Variants in RUBCN observed in about 807,000 individuals in gnomAD.
RUBCN encodes rubicon autophagy regulator.
A neutral mutation model predicts 113.2 loss-of-function variants in RUBCN; 74 were observed. That is an observed-to-expected ratio of 0.65 (90% confidence interval 0.54 to 0.79). The LOEUF is 0.79. RUBCN is among the 30% of genes least tolerant of loss of function. The pLI, the probability that RUBCN is intolerant of heterozygous loss-of-function variation, is 0.00. For synonymous variants in RUBCN, 480 were observed against 490.0 expected, an observed-to-expected ratio of 0.98 and a Z score of 0.27; for missense variants, 1,109 against 1,251.7, an observed-to-expected ratio of 0.89 and a Z score of 1.72.
In RUBCN at chr3:197,674,440, A is replaced by G; in HGVS notation, c.*578T>C. The G allele has an allele frequency of 2.6e-6, 1 of 382,314 alleles. No homozygotes were observed. Among genetic ancestry groups the G allele is most frequent in the East Asian group, 8.5e-5 (1 of 11,754 alleles). The allele number at this position is 382,314 out of a possible 1,614,324, so 23.7% of individuals were successfully genotyped here. A position where few individuals can be genotyped will look rare whatever the true frequency, so the allele number is the denominator to read the frequency against. On this transcript the variant is annotated 3_prime_UTR_variant, in exon 20 of 20. Coordinates refer to ENST00000296343, the MANE Select transcript of RUBCN (RefSeq NM_014687.4). ...CTCTGAGGTCTCTGAGGAGTCTAGG[A>G]TAGTCAGGATTGTTCTGTGGCCCCC... is the stretch of plus-strand genomic sequence containing the variant.
At chr3:197,684,710 A>G in intron 11 of RUBCN, among the ~76,000 whole-genome samples, 1 of 150,894 alleles carries the variant, frequency 6.6e-6, no homozygotes, top group East Asian at 1.9e-4. Flanking sequence ...ATATATACGC[A>G]CACACATATA....
intron 11 of RUBCN, among the ~76,000 whole-genome samples, chr3:197,689,591 C>T (rs1307086996): frequency 6.6e-6 from 1 of 152,060 alleles, no homozygotes; most frequent in East Asian, 1.9e-4. Flanking sequence ...CCTCCTCAGG[C>T]AGGGAAGACT....
chr3:197,681,308 G>A lies in RUBCN; in HGVS notation c.2251C>T (p.His751Tyr). The stretch of plus-strand genomic sequence containing the variant: ...GGGATGGCCATCTGGGCATTCTCGT[G>A]GCAGCACTGGCAGAAGTACTTGCCC... ...YLGKYFCQCC[H>Y]ENAQMAIPSR... Residue 751 changes from histidine (H) to tyrosine (Y), a missense_variant, in exon 16 of 20, where the codon CAC becomes TAC. This residue lies in a region of RUBCN where 306 missense variants were observed against 348.9 expected (regional missense o/e 0.88). Coordinates refer to ENST00000296343, the MANE Select transcript of RUBCN (RefSeq NM_014687.4). This position sits in a 1 kb window ranked among gnomAD's most constrained non-coding sequence, Gnocchi z 5.5. The A allele has an allele frequency of 6.2e-7, 1 of 1,614,200 alleles. No homozygotes were observed.
chr3:197,746,634 T>C (rs1457250868), intron 1 of RUBCN, among the ~76,000 whole-genome samples: 1 of 152,250 alleles, frequency 6.6e-6, no homozygotes, highest in Non-Finnish European at 1.5e-5. Context: ...ACGTGGGACA[T>C]ATTTGTACTA....
intron 9 of RUBCN, among the ~76,000 whole-genome samples, chr3:197,694,825 G>C (rs573986588): frequency 6.6e-6 from 1 of 152,092 alleles, no homozygotes; most frequent in South Asian, 2.1e-4. Context: ...AAATATGATA[G>C]AGAAGAGGCC....
In RUBCN at chr3:197,683,844, A is replaced by G. The variant is rs1388394326; in HGVS notation, c.1847+313T>C. The stretch of plus-strand genomic sequence containing the variant: ...TGGGTCTATGATGTGGAATCTGTTC[A>G]ATTTGATTTCATAACCAAAAACCAT... On this transcript the variant is annotated intron_variant, in intron 12 of 19. Coordinates refer to ENST00000296343, the MANE Select transcript of RUBCN (RefSeq NM_014687.4). This position sits in a 1 kb window ranked among gnomAD's most constrained non-coding sequence, Gnocchi z 4.6. Among the ~76,000 whole-genome samples, 1 of 152,158 alleles carries G rather than the reference A, an allele frequency of 6.6e-6. No individual in the cohort carries two copies. The highest frequency in any genetic ancestry group is 2.4e-5 in the African/African-American group (1 of 41,440).
At chr3:197,692,778 A>C (rs1441442363) in intron 11 of RUBCN, among the ~76,000 whole-genome samples, 2 of 152,226 alleles carry the variant, frequency 1.3e-5, no homozygotes, top group East Asian at 1.9e-4. Flanking sequence ...GAAAAAACGG[A>C]GTTTCTGAAT....
At chr3:197,699,601 GA>G (rs1723411675) in intron 7 of RUBCN, among the ~76,000 whole-genome samples, 1 of 152,190 alleles carries the variant, frequency 6.6e-6, no homozygotes, top group South Asian at 2.1e-4. Context: ...TCACATCTAA[GA>G]AAGCTCATGG....
At chr3:197,679,572 A>ACGC (rs1720941278) in intron 16 of RUBCN, among the ~76,000 whole-genome samples, 1 of 138,720 alleles carries the variant, frequency 7.2e-6, no homozygotes, top group African/African-American at 2.8e-5. Flanking sequence ...AGACTGTCCT[A>ACGC]TGCTCTGACC....
intron 2 of RUBCN, among the ~76,000 whole-genome samples, chr3:197,713,366 T>C (rs1400682099): frequency 6.6e-6 from 1 of 152,158 alleles, no homozygotes; most frequent in Non-Finnish European, 1.5e-5. Context: ...CCATTTGCTA[T>C]TAGGACACAA....
In RUBCN at chr3:197,674,054, A is replaced by G. The variant is rs923392922; in HGVS notation, c.*964T>C. ...GCACAACGACCATCTAACAGAGGAC[A>G]GAGTCATCAGGGACACGCTAAGAAG... is the stretch of plus-strand genomic sequence containing the variant. On this transcript the variant is annotated 3_prime_UTR_variant, in exon 20 of 20. Transcript: ENST00000296343. 7 of 152,378 alleles carry G rather than the reference A, an allele frequency of 4.6e-5. No homozygotes were observed. Among genetic ancestry groups the G allele is most frequent in the African/African-American group, 1.7e-4 (7 of 41,460 alleles). The allele number at this position is 152,378 out of a possible 1,614,324, so 9.4% of individuals were successfully genotyped here.
chr3:197,719,876 C>T (rs1468326829), intron 1 of RUBCN, among the ~76,000 whole-genome samples: 1 of 152,198 alleles, frequency 6.6e-6, no homozygotes, highest in East Asian at 1.9e-4. Flanking sequence ...GCATTGATCG[C>T]AACAAAGTAA....
At chr3:197,724,517 A>T (rs1726526115) in intron 1 of RUBCN, among the ~76,000 whole-genome samples, 1 of 152,234 alleles carries the variant, frequency 6.6e-6, no homozygotes. Flanking sequence ...TTAGTGGTAA[A>T]GGAAACAGCT....
intron 1 of RUBCN, among the ~76,000 whole-genome samples, chr3:197,731,908 G>A (rs1727545924): frequency 6.6e-6 from 1 of 152,244 alleles, no homozygotes; most frequent in Non-Finnish European, 1.5e-5. Context: ...ATTTGGAAAT[G>A]GAGAGAAAAA....
chr3:197,705,191 A>C lies in RUBCN; in HGVS notation c.220-16T>G. The stretch of plus-strand genomic sequence containing the variant: ...GGCGGCACGCCTGCAAAGGGAACAC[A>C]TACAATGAGCAAATCACGACCATTC... On this transcript the variant is annotated splice_polypyrimidine_tract_variant and intron_variant, in intron 2 of 19. Coordinates refer to ENST00000296343, the MANE Select transcript of RUBCN (RefSeq NM_014687.4). The C allele has an allele frequency of 1.2e-6, 2 of 1,611,388 alleles. No individual in the cohort carries two copies. Among genetic ancestry groups the C allele is most frequent in the Non-Finnish European group, 1.7e-6 (2 of 1,177,584 alleles).
At chr3:197,718,151 C>T (rs1725756225) in intron 1 of RUBCN, 21 bp from the exon 2 acceptor site, 1 of 1,613,996 alleles carries the variant, frequency 6.2e-7, no homozygotes, top group African/African-American at 1.3e-5. Context: ...ATCAGTTACA[C>T]CAATCGTTAG....
chr3:197,703,092 C>A lies in RUBCN; in HGVS notation c.570+456G>T, dbSNP rs548093612. Among the ~76,000 whole-genome samples, 60 of 152,158 alleles carry A rather than the reference C, an allele frequency of 3.9e-4. 1 individual carries two copies. The highest frequency in any genetic ancestry group is 1.4e-3 in the African/African-American group (59 of 41,504). ...ATAGGTACTTAACAGTACCTCCCCT[C>A]CTCCAAGCATTTTAAATGAAAGCTG... On this transcript the variant is annotated intron_variant, in intron 5 of 19. Coordinates refer to ENST00000296343, the MANE Select transcript of RUBCN (RefSeq NM_014687.4).
In RUBCN at chr3:197,674,895, AGAT is replaced by A. The variant is rs1720164364; in HGVS notation, c.*120_*122del. ...GACAAGTCAGTAAAAAAAAAAAAAA[AGAT>A]GATGATAATTAAAAAAAAAAAAAAA... On this transcript the variant is annotated 3_prime_UTR_variant, in exon 20 of 20. Coordinates refer to ENST00000296343, the MANE Select transcript of RUBCN (RefSeq NM_014687.4). 2.3e-5 allele frequency: 17 copies of A among 736,606 alleles called. No individual in the cohort carries two copies. Among genetic ancestry groups the A allele is most frequent in the South Asian group, 2.0e-4 (9 of 45,198 alleles). 45.6% of individuals were successfully genotyped at this position (736,606 alleles called of 1,614,324 possible). A position where few individuals can be genotyped will look rare whatever the true frequency, so the allele number is the denominator to read the frequency against.
Position 197,684,199 on chromosome 3 carries a change from T to C in RUBCN, c.1805A>G (p.Asn602Ser), listed in dbSNP as rs763382850. 6 of 1,613,838 alleles carry C rather than the reference T, an allele frequency of 3.7e-6. No individual in the cohort carries two copies. In the South Asian group the frequency reaches 6.6e-5, roughly 18 times the overall value. ...GAAGGATTTGCTGCTTGAGGCTGTGTTCCTTCTGATGTCAGCATCTACATG... is the reference window on the plus strand; with the variant it reads ...GAAGGATTTGCTGCTTGAGGCTGTGCTCCTTCTGATGTCAGCATCTACATG... Reference protein sequence around the residue: ...FEIQDADIRRNTASSSKSFVS... With the variant: ...FEIQDADIRRSTASSSKSFVS... Residue 602 changes from asparagine to serine, a missense_variant, in exon 12 of 20, where the codon AAC (asparagine) becomes AGC (serine). Physicochemically the swap from Asn to Ser is conservative, Grantham distance 46. Transcript: ENST00000296343.
Sources: gnomAD v4.1 joint callset for allele counts (sites outside exome capture counted in the v4.1 genomes callset) on GRCh38, gnomAD v4.1.1 for gene constraint, gnomAD v4.1.1 regional missense constraint, Gnocchi (gnomAD v3.1) non-coding constraint, MANE v1.5 for transcripts, NCBI Gene and HGNC (gene_info 2026-07-23, HGNC 2026-07-21) for gene names.